C1orf105: variants seen among roughly 807,000 people sequenced by gnomAD.
The protein encoded by C1orf105 is chromosome 1 open reading frame 105.
C1orf105 carries 17 observed loss-of-function variants against 20.8 expected under a neutral mutation model. That is an observed-to-expected ratio of 0.82 (90% CI 0.56 to 1.23). The LOEUF is 1.23. Among genes scored for constraint, C1orf105 ranks in the 50% most tolerant of loss-of-function variants. The pLI is 0.00. For missense variants in C1orf105, 219 were observed against 213.5 expected, an observed-to-expected ratio of 1.03 and a Z score of -0.16; for synonymous variants, 72 against 72.1, an observed-to-expected ratio of 1.00 and a Z score of 0.01.
At position 172,420,790 on chromosome 1, in the gene C1orf105, G is replaced by C. The variant is rs542036443; in HGVS notation, c.-96G>C. On this transcript the variant is annotated 5_prime_UTR_variant, in exon 1 of 7. Coordinates refer to ENST00000367727, the MANE Select transcript of C1orf105 (RefSeq NM_139240.4). ...CCTAACAAAAAACACTTTGGATTCA[G>C]GTTCTCCACAGCAGTCTTCCACTGG... 3.9e-6 allele frequency: 5 copies of C among 1,267,266 alleles called. No homozygotes were observed. The highest frequency in any genetic ancestry group is 2.6e-5 in the South Asian group (2 of 78,086). 78.5% of individuals were successfully genotyped at this position (1,267,266 alleles called of 1,614,324 possible).
At chr1:172,452,935 C>A in intron 3 of C1orf105, 1 of 1,528,442 alleles carries the variant, frequency 6.5e-7, no homozygotes, top group Non-Finnish European at 8.8e-7. Flanking sequence ...CTGAGCTGGT[C>A]GTAAGGAAAC....
intron 1 of C1orf105, among the ~76,000 whole-genome samples, chr1:172,423,412 C>A (rs192075132): frequency 1.1e-3 from 175 of 152,308 alleles, no homozygotes; most frequent in African/African-American, 3.9e-3. Flanking sequence ...TCTGCAAGAG[C>A]CACAGCGTTA....
intron 3 of C1orf105, among the ~76,000 whole-genome samples, chr1:172,450,342 G>T (rs555372180): frequency 6.6e-6 from 1 of 152,256 alleles, no homozygotes; most frequent in South Asian, 2.1e-4. Flanking sequence ...GCTCTGTTGG[G>T]GCACCAGGCC....
Position 172,465,357 on chromosome 1 carries a change from C to A in C1orf105, c.400C>A (p.Pro134Thr). The A allele has an allele frequency of 6.2e-7, 1 of 1,609,448 alleles. No homozygotes were observed. Among genetic ancestry groups the A allele is most frequent in the Non-Finnish European group, 8.5e-7 (1 of 1,175,788 alleles). The change falls in exon 6 of 7, where the codon CCA (proline) becomes ACA (threonine). Residue 134 changes from proline (P) to threonine (T), a missense_variant. Transcript: ENST00000367727. Reference sequence around the variant, plus strand: ...ACCTGAGCCTTTCCATGATGACATCCCAACAGGTTTGCTTTCTTTTAGAGT... The same window carrying A: ...ACCTGAGCCTTTCCATGATGACATCACAACAGGTTTGCTTTCTTTTAGAGT... Reference protein sequence around the residue: ...TTPEPFHDDIPTESIHYRLPI... With the variant: ...TTPEPFHDDITTESIHYRLPI...
At chr1:172,436,852 G>C (rs544386856) in intron 1 of C1orf105, among the ~76,000 whole-genome samples, 1 of 151,976 alleles carries the variant, frequency 6.6e-6, no homozygotes, top group Non-Finnish European at 1.5e-5. Context: ...TCTGACAGAG[G>C]GCAAATATCC....
At position 172,468,604 on chromosome 1, in the gene C1orf105, G is replaced by A. The variant is rs757668912; in HGVS notation, c.*10G>A. On this transcript the variant is annotated 3_prime_UTR_variant, in exon 7 of 7. Coordinates refer to ENST00000367727, the MANE Select transcript of C1orf105 (RefSeq NM_139240.4). ...GACAACGAGGCAGTGAGCGGTAGGA[G>A]CTCATCACCTCCCAGACTCCCAGAG... 3.1e-6 allele frequency: 5 copies of A among 1,611,302 alleles called. No individual in the cohort carries two copies. The highest frequency in any genetic ancestry group is 4.2e-6 in the Non-Finnish European group (5 of 1,178,272).
intron 4 of C1orf105, among the ~76,000 whole-genome samples, chr1:172,460,483 T>G (rs1216057411): frequency 2.6e-5 from 4 of 152,214 alleles, no homozygotes; most frequent in African/African-American, 9.6e-5. Flanking sequence ...TTCTGTTATC[T>G]GCATTACTCT....
At chr1:172,448,408 C>A in intron 2 of C1orf105, 33 bp from the exon 3 acceptor site, 2 of 1,417,490 alleles carry the variant, frequency 1.4e-6, no homozygotes, top group Non-Finnish European at 2.0e-6. Context: ...CATGGGACTG[C>A]GGTTCTAACG....
intron 1 of C1orf105, among the ~76,000 whole-genome samples, chr1:172,424,076 C>A (rs1406402961): frequency 6.6e-6 from 1 of 152,196 alleles, no homozygotes; most frequent in African/African-American, 2.4e-5. Context: ...GATGAGTCAA[C>A]ACTATAAACT....
intron 2 of C1orf105, among the ~76,000 whole-genome samples, chr1:172,446,076 T>C (rs1052625422): frequency 6.6e-6 from 1 of 152,152 alleles, no homozygotes; most frequent in Non-Finnish European, 1.5e-5. Flanking sequence ...TTGTCTACTG[T>C]ACATTAAAAA....
chr1:172,448,453 C>T lies in C1orf105; in HGVS notation c.120C>T (p.Thr40=). Residue 40 remains threonine, a synonymous_variant, in exon 3 of 7, where the codon ACC becomes ACT. Coordinates refer to ENST00000367727, the MANE Select transcript of C1orf105 (RefSeq NM_139240.4). ...TTTAATTACTTAGATATCCTCATAC[C>T]TCTGCGACTTTTCTGACTTCATCCA... ...VLSLPRRYPH[T]SATFLTSSKK... The T allele has an allele frequency of 1.2e-6, 2 of 1,610,944 alleles. No homozygotes were observed. Among genetic ancestry groups the T allele is most frequent in the Non-Finnish European group, 1.7e-6 (2 of 1,177,144 alleles).
intron 3 of C1orf105, among the ~76,000 whole-genome samples, chr1:172,451,728 AT>A (rs920489430): frequency 3.0e-4 from 45 of 152,016 alleles, no homozygotes; most frequent in African/African-American, 9.4e-4. Flanking sequence ...ATTCAGCTTT[AT>A]TTTTTTAAAT....
rs1648269102 is a variant in C1orf105 at position 172,448,541 on chromosome 1, A to C, written c.198+10A>C. On this transcript the variant is annotated intron_variant, in intron 3 of 6. Transcript: ENST00000367727. ...AGATGTTTTATCTAAGGTACTAAAA[A>C]ATTTTTGTTGAAATGAAACCAACAG... 1 of 1,565,660 alleles carries C rather than the reference A, an allele frequency of 6.4e-7. No homozygotes were observed.
intron 2 of C1orf105, 69 bp downstream of exon 2, chr1:172,445,227 G>C: frequency 7.9e-7 from 1 of 1,261,852 alleles, no homozygotes; most frequent in Non-Finnish European, 1.1e-6. Context: ...CTTCTTAAGG[G>C]ATGGGGACAA....
intron 3 of C1orf105, chr1:172,452,774 C>T (rs1573877801): frequency 2.3e-6 from 3 of 1,329,342 alleles, no homozygotes; most frequent in Non-Finnish European, 2.9e-6. Context: ...CTGTCACTCT[C>T]CTGTCACAAC....
At chr1:172,453,079 G>A in intron 3 of C1orf105, 1 of 1,550,704 alleles carries the variant, frequency 6.4e-7, no homozygotes, top group Non-Finnish European at 8.7e-7. Context: ...CGCCTTTAAA[G>A]TAGCCTGTCA....
chr1:172,433,860 T>C lies in C1orf105; in HGVS notation c.22-11213T>C, dbSNP rs961749210. 2.0e-5 allele frequency among the ~76,000 whole-genome samples: 3 copies of C among 152,126 alleles called. No homozygotes were observed. In the South Asian group the frequency reaches 6.2e-4, roughly 32 times the overall value. ...CAGTGTGCTGTATTCAGGAGACCCATCTCACGTGCAGAGACACACATAGGC... is the reference window on the plus strand; with the variant it reads ...CAGTGTGCTGTATTCAGGAGACCCACCTCACGTGCAGAGACACACATAGGC... On this transcript the variant is annotated intron_variant, in intron 1 of 6. Coordinates refer to ENST00000367727, the MANE Select transcript of C1orf105 (RefSeq NM_139240.4).
chr1:172,451,051 A>G lies in C1orf105; in HGVS notation c.198+2520A>G, dbSNP rs143836718. The G allele has an allele frequency of 2.6e-5, 4 of 152,438 alleles. No homozygotes were observed. In the East Asian group the frequency reaches 5.8e-4, roughly 22 times the overall value. The allele number at this position is 152,438 out of a possible 1,614,324, so 9.4% of individuals were successfully genotyped here. On this transcript the variant is annotated intron_variant, in intron 3 of 6. Coordinates refer to ENST00000367727, the MANE Select transcript of C1orf105 (RefSeq NM_139240.4). ...AAGATGCTGAGAAACAGAAAGGTGCATCATGATAGTTGGCTAACTGGGCCA... is the reference window on the plus strand; with the variant it reads ...AAGATGCTGAGAAACAGAAAGGTGCGTCATGATAGTTGGCTAACTGGGCCA...
At chr1:172,454,937 A>T (rs1255763491) in intron 3 of C1orf105, among the ~76,000 whole-genome samples, 2 of 152,162 alleles carry the variant, frequency 1.3e-5, no homozygotes, top group Non-Finnish European at 2.9e-5. Flanking sequence ...ATGAATTTGT[A>T]TTCTTCTTTT....
Sources: gnomAD v4.1 joint callset for allele counts (sites outside exome capture counted in the v4.1 genomes callset) on GRCh38, gnomAD v4.1.1 for gene constraint, MANE v1.5 for transcripts, NCBI Gene and HGNC (gene_info 2026-07-23, HGNC 2026-07-21) for gene names.